The following CSMD1 variants were observed in gnomAD, a reference collection of about 807,000 sequenced individuals.
CSMD1 encodes CUB and Sushi multiple domains 1, also known as CUB and sushi domain-containing protein 1.
A neutral mutation model predicts 417.5 loss-of-function variants in CSMD1; 213 were observed. That is an observed-to-expected ratio of 0.51 (90% confidence interval 0.46 to 0.57). CSMD1 has a LOEUF of 0.57. CSMD1 is among the 20% of genes least tolerant of loss of function. The probability of loss-of-function intolerance (pLI) is 0.00; values close to 1 mark genes in which losing one functional copy is unlikely to be tolerated. For missense variants in CSMD1, 6,923 were observed against 4,529.7 expected (o/e 1.53, Z -15.17); for synonymous variants, 2,862 against 1,736.8 (o/e 1.65, Z -16.11).
chr8:3,361,351 A>G (rs1809154224), intron 20 of CSMD1, among the ~76,000 whole-genome samples: 1 of 152,138 alleles, frequency 6.6e-6, no homozygotes, highest in Admixed American at 6.5e-5. Context: ...TGAAAACTCC[A>G]GGCACTGTGG....
At chr8:4,885,300 T>G (rs1803666656) in intron 1 of CSMD1, among the ~76,000 whole-genome samples, 1 of 152,124 alleles carries the variant, frequency 6.6e-6, no homozygotes, top group Admixed American at 6.5e-5. Flanking sequence ...TCCTTCTTTT[T>G]TTTATTATTC....
intron 10 of CSMD1, among the ~76,000 whole-genome samples, chr8:3,524,608 C>T (rs1365680830): frequency 6.6e-6 from 1 of 151,670 alleles, no homozygotes; most frequent in Non-Finnish European, 1.5e-5. Flanking sequence ...CATCCACACA[C>T]ATGCACATAC....
chr8:4,536,355 T>C (rs1197862622), intron 2 of CSMD1, among the ~76,000 whole-genome samples: 4 of 152,186 alleles, frequency 2.6e-5, no homozygotes, highest in African/African-American at 7.2e-5. Context: ...GTAATATTTA[T>C]TTGCTTGTAT....
chr8:4,205,453 T>G (rs1439184463), intron 3 of CSMD1, among the ~76,000 whole-genome samples: 1 of 152,212 alleles, frequency 6.6e-6, no homozygotes, highest in African/African-American at 2.4e-5. Flanking sequence ...ATGCGCCCAT[T>G]TATATACTTA....
chr8:4,227,462 G>C (rs1051867511), intron 3 of CSMD1, among the ~76,000 whole-genome samples: 1 of 152,090 alleles, frequency 6.6e-6, no homozygotes, highest in African/African-American at 2.4e-5. Context: ...TTCAGAACAA[G>C]AAAAGTTTCT....
At chr8:3,398,622 T>C (rs975330395) in intron 16 of CSMD1, among the ~76,000 whole-genome samples, 1 of 152,166 alleles carries the variant, frequency 6.6e-6, no homozygotes, top group Non-Finnish European at 1.5e-5. Context: ...AAGAAGGTCA[T>C]TGTTAGAGAA....
At chr8:4,741,221 C>T (rs976948521) in intron 1 of CSMD1, among the ~76,000 whole-genome samples, 2 of 152,154 alleles carry the variant, frequency 1.3e-5, no homozygotes, top group Non-Finnish European at 2.9e-5. Context: ...GCCACACGTG[C>T]AGTTCACTTA....
chr8:4,541,711 G>A (rs753256317), intron 2 of CSMD1, among the ~76,000 whole-genome samples: 8 of 151,920 alleles, frequency 5.3e-5, no homozygotes, highest in Non-Finnish European at 1.0e-4. Flanking sequence ...TTCCAGCCTG[G>A]GTGACAGAGT....
intron 8 of CSMD1, among the ~76,000 whole-genome samples, chr8:3,614,545 C>G (rs979413594): frequency 1.3e-5 from 2 of 152,192 alleles, no homozygotes; most frequent in African/African-American, 4.8e-5. Flanking sequence ...TCCCTGTTAA[C>G]TTTTAAAGCT....
At chr8:4,298,502 TA>T (rs1797805690) in intron 3 of CSMD1, among the ~76,000 whole-genome samples, 2 of 152,234 alleles carry the variant, frequency 1.3e-5, no homozygotes, top group Middle Eastern at 3.4e-3. Context: ...ATGGATACCT[TA>T]AAAGCCCTGA....
intron 3 of CSMD1, among the ~76,000 whole-genome samples, chr8:4,231,616 G>A (rs986960742): frequency 3.9e-5 from 6 of 152,164 alleles, no homozygotes; most frequent in African/African-American, 1.4e-4. Flanking sequence ...AACAAATGTT[G>A]AGTCAGATAT....
chr8:4,151,719 T>G (rs965144460), intron 3 of CSMD1, among the ~76,000 whole-genome samples: 1 of 152,204 alleles, frequency 6.6e-6, no homozygotes, highest in African/African-American at 2.4e-5. Flanking sequence ...ACAGATAAAT[T>G]AACAGCGGGT....
At chr8:4,272,509 A>G (rs549008718) in intron 3 of CSMD1, among the ~76,000 whole-genome samples, 1 of 152,314 alleles carries the variant, frequency 6.6e-6, no homozygotes, top group East Asian at 1.9e-4. Context: ...ATTTCAAAAA[A>G]TACATAGAAA....
intron 6 of CSMD1, among the ~76,000 whole-genome samples, chr8:3,727,238 C>G (rs1030171142): frequency 5.9e-5 from 9 of 152,274 alleles, no homozygotes; most frequent in African/African-American, 9.6e-5. Context: ...ACAATTATCA[C>G]AAGAGGAAAA....
intron 5 of CSMD1, among the ~76,000 whole-genome samples, chr8:3,800,862 G>A (rs1292039511): frequency 6.6e-6 from 1 of 152,028 alleles, no homozygotes; most frequent in Admixed American, 6.6e-5. Context: ...GCCCTCACCA[G>A]AGACTGGTGC....
intron 49 of CSMD1, among the ~76,000 whole-genome samples, chr8:3,068,707 A>T (rs1813118257): frequency 6.6e-6 from 1 of 152,084 alleles, no homozygotes; most frequent in Non-Finnish European, 1.5e-5. Flanking sequence ...GACAGAGTTG[A>T]GGGGGAAGTG....
chr8:3,637,343 G>A (rs1179568960), intron 7 of CSMD1, among the ~76,000 whole-genome samples: 1 of 151,932 alleles, frequency 6.6e-6, no homozygotes, highest in Non-Finnish European at 1.5e-5. Flanking sequence ...TGTAGAATGT[G>A]GATTCTTATG....
chr8:3,174,300 C>T (rs1248638381), intron 37 of CSMD1, among the ~76,000 whole-genome samples: 1 of 152,134 alleles, frequency 6.6e-6, no homozygotes, highest in East Asian at 1.9e-4. Context: ...TGGAGACTAG[C>T]CTGGGCAACA....
chr8:3,948,089 C>G (rs184080329), intron 5 of CSMD1, among the ~76,000 whole-genome samples: 142 of 152,012 alleles, frequency 9.3e-4, no homozygotes, highest in African/African-American at 3.1e-3. Context: ...GCCTTTAATC[C>G]CAGCTACTCC....
Sources: allele counts gnomAD v4.1 joint callset (sites outside exome capture counted in the v4.1 genomes callset), GRCh38; gene constraint gnomAD v4.1.1; transcripts MANE v1.5; gene names NCBI Gene and HGNC (gene_info 2026-07-23, HGNC 2026-07-21).